The following SLC6A20 variants were observed in gnomAD, a reference collection of about 807,000 sequenced individuals.
SLC6A20 encodes sodium- and chloride-dependent transporter XTRP3.
In SLC6A20, 73 loss-of-function variants were observed where a neutral mutation model predicts 64.3. The observed-to-expected ratio is 1.14, with a 90% confidence interval of 0.94 to 1.38. SLC6A20 has a LOEUF of 1.38. Among genes scored for constraint, SLC6A20 ranks in the 40% most tolerant of loss-of-function variants. The pLI, the probability that SLC6A20 is intolerant of heterozygous loss-of-function variation, is 0.00. For synonymous variants in SLC6A20, 347 were observed against 329.6 expected (o/e 1.05, Z -0.57); for missense variants, 725 against 772.8 (o/e 0.94, Z 0.73).
intron 1 of SLC6A20, among the ~76,000 whole-genome samples, chr3:45,788,276 A>T (rs1700200482): frequency 6.6e-6 from 1 of 152,100 alleles, no homozygotes; most frequent in Admixed American, 6.5e-5. Flanking sequence ...AAAAATGATA[A>T]AAAAGAAAAA....
At chr3:45,794,339 G>A (rs1488658182) in intron 1 of SLC6A20, among the ~76,000 whole-genome samples, 1 of 152,176 alleles carries the variant, frequency 6.6e-6, no homozygotes, top group Non-Finnish European at 1.5e-5. Flanking sequence ...AAGTGCCTAC[G>A]GTGCCAAGTG....
intron 7 of SLC6A20, among the ~76,000 whole-genome samples, chr3:45,768,622 C>T (rs560827609): frequency 6.6e-6 from 1 of 152,286 alleles, no homozygotes; most frequent in East Asian, 1.9e-4. Context: ...TAGGGCTGAA[C>T]AACCAGGAGA....
chr3:45,775,682 T>G, intron 4 of SLC6A20, 79 bp downstream of exon 4: 3 of 1,394,742 alleles, frequency 2.2e-6, no homozygotes, highest in Non-Finnish European at 3.0e-6. Flanking sequence ...TTGCCTAGGG[T>G]TGGAGACAGA....
At chr3:45,784,260 A>C (rs1351414115) in intron 1 of SLC6A20, among the ~76,000 whole-genome samples, 2 of 152,232 alleles carry the variant, frequency 1.3e-5, no homozygotes, top group African/African-American at 2.4e-5. Flanking sequence ...CTCTGCAATA[A>C]ATTTTTCAAG....
In SLC6A20 at chr3:45,796,402, C is replaced by A. The variant is rs564660675; in HGVS notation, c.18G>T (p.Pro6=). Residue 6 remains proline, a synonymous_variant, in exon 1 of 11, where the codon CCG becomes CCT. Transcript: ENST00000358525. ...CGAACTGTAGCGAGTTGGCCCACAG[C>A]GGCCGCGCTTTCTCCATGGCCCCGG... MEKAR[P]LWANSLQFVF... is the part of the protein sequence containing the mutation. 5 of 1,612,222 alleles carry A rather than the reference C, an allele frequency of 3.1e-6. No individual in the cohort carries two copies. Among genetic ancestry groups the A allele is most frequent in the African/African-American group, 2.7e-5 (2 of 74,658 alleles).
intron 1 of SLC6A20, among the ~76,000 whole-genome samples, chr3:45,783,370 T>A (rs146145845): frequency 1.3e-5 from 2 of 152,248 alleles, no homozygotes; most frequent in Non-Finnish European, 2.9e-5. Context: ...TATGCTTACA[T>A]GAACATCTAA....
chr3:45,796,479 G>A lies in SLC6A20; in HGVS notation c.-60C>T. The A allele has an allele frequency of 3.9e-6, 6 of 1,532,270 alleles. No homozygotes were observed. Among genetic ancestry groups the A allele is most frequent in the Non-Finnish European group, 5.3e-6 (6 of 1,138,558 alleles). The allele number at this position is 1,532,270 out of a possible 1,614,324, so 94.9% of individuals were successfully genotyped here. On this transcript the variant is annotated 5_prime_UTR_variant, in exon 1 of 11. Transcript: ENST00000358525. ...GGGTCCGGCACGGCAGTCTCAGTGC[G>A]CGGTCGCCAGGCGCGCCGTCCCACC...
chr3:45,794,435 T>C (rs946625493), intron 1 of SLC6A20, among the ~76,000 whole-genome samples: 1 of 152,176 alleles, frequency 6.6e-6, no homozygotes, highest in Non-Finnish European at 1.5e-5. Flanking sequence ...GTGCACCCAC[T>C]AATCCATGCA....
intron 1 of SLC6A20, among the ~76,000 whole-genome samples, chr3:45,791,267 G>T (rs1308145035): frequency 2.0e-5 from 3 of 152,216 alleles, no homozygotes; most frequent in East Asian, 3.8e-4. Context: ...ATTATATATT[G>T]TTTGTAAGGT....
rs984487604 is a variant in SLC6A20, at chr3:45,787,697, C to T, written c.122-5474G>A. Reference sequence around the variant, plus strand: ...AAGCCCCTGTTGTTGAGGCACCTGCCGCTACACTGAATGTCTACTGCTCTG... The same window carrying T: ...AAGCCCCTGTTGTTGAGGCACCTGCTGCTACACTGAATGTCTACTGCTCTG... On this transcript the variant is annotated intron_variant, in intron 1 of 10. Coordinates refer to ENST00000358525, the MANE Select transcript of SLC6A20 (RefSeq NM_020208.4). Among the ~76,000 whole-genome samples the T allele has an allele frequency of 5.9e-5, 9 of 152,146 alleles. No homozygotes were observed. In the South Asian group the frequency reaches 6.2e-4, roughly 11 times the overall value.
chr3:45,764,482 C>A (rs1426277836), intron 8 of SLC6A20, among the ~76,000 whole-genome samples: 1 of 152,128 alleles, frequency 6.6e-6, no homozygotes, highest in African/African-American at 2.4e-5. Context: ...GCAGGCAGAT[C>A]ACTTGAGGTC....
At chr3:45,773,970 C>T (rs904887238) in intron 4 of SLC6A20, among the ~76,000 whole-genome samples, 4 of 152,258 alleles carry the variant, frequency 2.6e-5, no homozygotes, top group Non-Finnish European at 4.4e-5. Flanking sequence ...GGGCCAGCCC[C>T]GAGAATTTCC....
chr3:45,795,512 A>C (rs563860615), intron 1 of SLC6A20, among the ~76,000 whole-genome samples: 1 of 152,306 alleles, frequency 6.6e-6, no homozygotes, highest in South Asian at 2.1e-4. Flanking sequence ...TCCTTTAGAT[A>C]CAATTCTAGA....
chr3:45,782,737 A>G (rs1409337083), intron 1 of SLC6A20, among the ~76,000 whole-genome samples: 3 of 151,830 alleles, frequency 2.0e-5, no homozygotes, highest in African/African-American at 4.8e-5. Flanking sequence ...TCATCTTTTT[A>G]TCTTCCTACT....
At chr3:45,776,638 C>T (rs1037911720) in intron 3 of SLC6A20, among the ~76,000 whole-genome samples, 1 of 152,204 alleles carries the variant, frequency 6.6e-6, no homozygotes, top group Non-Finnish European at 1.5e-5. Context: ...CTCCTGCTAG[C>T]TTCCAAACCC....
rs1368088900 is a variant in SLC6A20, at chr3:45,788,260, A to T, written c.122-6037T>A. The stretch of plus-strand genomic sequence containing the variant: ...TCTTGGTGATACCCTGTTTCCAAAA[A>T]AAAAAAAAAATGATAAAAAAGAAAA... On this transcript the variant is annotated intron_variant, in intron 1 of 10. Coordinates refer to ENST00000358525, the MANE Select transcript of SLC6A20 (RefSeq NM_020208.4). Among the ~76,000 whole-genome samples, 3 of 152,126 alleles carry T rather than the reference A, an allele frequency of 2.0e-5. No individual in the cohort carries two copies. The East Asian group carries it at 5.8e-4, about 29-fold the overall frequency.
At chr3:45,762,237 C>T (rs1699697123) in intron 9 of SLC6A20, among the ~76,000 whole-genome samples, 1 of 152,212 alleles carries the variant, frequency 6.6e-6, no homozygotes, top group African/African-American at 2.4e-5. Flanking sequence ...GCTCTCTAGG[C>T]CAGTGGTTCT....
chr3:45,785,613 TTC>T (rs60563353), intron 1 of SLC6A20, among the ~76,000 whole-genome samples: 23,896 of 140,910 alleles, frequency 0.17, 2,064 homozygotes, highest in Middle Eastern at 0.21. Context: ...AAACTCCCCT[TTC>T]TCTCTCTCTC....
intron 1 of SLC6A20, among the ~76,000 whole-genome samples, chr3:45,786,043 C>T (rs1455723555): frequency 6.6e-6 from 1 of 152,114 alleles, no homozygotes; most frequent in Non-Finnish European, 1.5e-5. Flanking sequence ...ATGAGCAAGG[C>T]CAGACACAAA....
Sources: allele counts gnomAD v4.1 joint callset (sites outside exome capture counted in the v4.1 genomes callset), GRCh38; gene constraint gnomAD v4.1.1; transcripts MANE v1.5; gene names NCBI Gene and HGNC (gene_info 2026-07-23, HGNC 2026-07-21).